The following STAU2 variants were observed in gnomAD, a reference collection of about 807,000 sequenced individuals.
The protein encoded by STAU2 is double-stranded RNA-binding protein Staufen homolog 2.
Under a neutral mutation model 65.9 loss-of-function variants are expected in STAU2, and 20 were observed. That is an observed-to-expected ratio of 0.30 (90% CI 0.21 to 0.44). The LOEUF is 0.44. STAU2 is among the 20% of genes least tolerant of loss of function. The probability of loss-of-function intolerance (pLI) is 1.00; values close to 1 mark genes in which losing one functional copy is unlikely to be tolerated. For synonymous variants in STAU2, 232 were observed against 233.9 expected, an observed-to-expected ratio of 0.99 and a Z score of 0.07; for missense variants, 558 against 683.9, an observed-to-expected ratio of 0.82 and a Z score of 2.05.
At chr8:73,477,675 G>A (rs1359682069) in intron 13 of STAU2, among the ~76,000 whole-genome samples, 1 of 152,136 alleles carries the variant, frequency 6.6e-6, no homozygotes, top group African/African-American at 2.4e-5. Context: ...GCCAGTAGAC[G>A]GACAGAAGTT....
chr8:73,676,154 C>T (rs16938714), intron 5 of STAU2, among the ~76,000 whole-genome samples: 11,042 of 152,164 alleles, frequency 0.073, 439 homozygotes, highest in Middle Eastern at 0.14. Context: ...TGCAAATGAA[C>T]TTAACTCCTC....
chr8:73,731,936 C>G (rs1806099492), intron 3 of STAU2, among the ~76,000 whole-genome samples: 2 of 152,112 alleles, frequency 1.3e-5, no homozygotes, highest in Admixed American at 1.3e-4. Context: ...AAGACTTCAA[C>G]TCAAAAAAAG....
At chr8:73,602,245 G>T (rs1811686411) in intron 10 of STAU2, among the ~76,000 whole-genome samples, 1 of 152,182 alleles carries the variant, frequency 6.6e-6, no homozygotes, top group Non-Finnish European at 1.5e-5. Flanking sequence ...GGGAGGGAAG[G>T]CACAACTTAG....
At chr8:73,472,040 C>G (rs1473270834) in intron 13 of STAU2, among the ~76,000 whole-genome samples, 1 of 152,070 alleles carries the variant, frequency 6.6e-6, no homozygotes, top group Non-Finnish European at 1.5e-5. Flanking sequence ...ATTAACAAAA[C>G]CCAGGAGTGG....
chr8:73,665,796 C>T (rs1253942841), intron 6 of STAU2, among the ~76,000 whole-genome samples: 7 of 152,104 alleles, frequency 4.6e-5, no homozygotes, highest in African/African-American at 1.7e-4. Context: ...AAATCCATGG[C>T]TGCTCAAGCC....
At chr8:73,673,062 G>A in intron 6 of STAU2, 45 bp downstream of exon 6, 1 of 1,461,832 alleles carries the variant, frequency 6.8e-7, no homozygotes, top group Non-Finnish European at 9.1e-7. Flanking sequence ...TTTATAACAT[G>A]GATAAAATAA....
At position 73,481,099 on chromosome 8, in the gene STAU2, A is replaced by G. The variant is rs77493271; in HGVS notation, c.1531-58397T>C. ...CACCTGCCAGGTTAAGAAATAGAAC[A>G]TTATCAGTACCTTGGAAGCCCTTAG... On this transcript the variant is annotated intron_variant, in intron 13 of 14. Coordinates refer to ENST00000524300, the MANE Select transcript of STAU2 (RefSeq NM_001164380.2). 1.4e-3 allele frequency among the ~76,000 whole-genome samples: 211 copies of G among 152,300 alleles called. 2 individuals carry two copies. In the East Asian group the frequency reaches 0.015, roughly 11 times the overall value.
chr8:73,574,519 A>G (rs1809361336), intron 12 of STAU2, among the ~76,000 whole-genome samples: 1 of 152,242 alleles, frequency 6.6e-6, no homozygotes, highest in East Asian at 1.9e-4. Context: ...AAGTCCATCA[A>G]TGATAGACTG....
intron 12 of STAU2, among the ~76,000 whole-genome samples, chr8:73,563,491 G>A (rs1471989254): frequency 1.3e-5 from 2 of 152,032 alleles, no homozygotes; most frequent in Non-Finnish European, 2.9e-5. Flanking sequence ...CACAACATGA[G>A]GAACTCTCAT....
intron 6 of STAU2, among the ~76,000 whole-genome samples, chr8:73,659,410 G>T (rs190434383): frequency 6.6e-6 from 1 of 152,148 alleles, no homozygotes; most frequent in Non-Finnish European, 1.5e-5. Context: ...GGTGGCACAT[G>T]CCTGTTGTCC....
At chr8:73,454,205 TGTTA>T (rs1358350180) in intron 13 of STAU2, among the ~76,000 whole-genome samples, 4 of 152,254 alleles carry the variant, frequency 2.6e-5, no homozygotes, top group Non-Finnish European at 5.9e-5. Flanking sequence ...CACTTTAGGC[TGTTA>T]GTTTTTAAAA....
At chr8:73,619,012 CT>C (rs1813039342) in intron 6 of STAU2, among the ~76,000 whole-genome samples, 1 of 152,094 alleles carries the variant, frequency 6.6e-6, no homozygotes, top group Non-Finnish European at 1.5e-5. Flanking sequence ...ATTATTAGAC[CT>C]ATTAGATATC....
At chr8:73,478,228 C>A (rs902496666) in intron 13 of STAU2, among the ~76,000 whole-genome samples, 1 of 146,712 alleles carries the variant, frequency 6.8e-6, no homozygotes, top group African/African-American at 2.5e-5. Context: ...TTTGGCTTCC[C>A]TGGGCCACAT....
At chr8:73,737,314 G>A (rs1410667433) in intron 3 of STAU2, among the ~76,000 whole-genome samples, 3 of 151,868 alleles carry the variant, frequency 2.0e-5, no homozygotes, top group Non-Finnish European at 4.4e-5. Flanking sequence ...GGGATTACAG[G>A]CACGCACCAC....
Position 73,708,054 on chromosome 8 carries a change from T to C in STAU2, c.114+978A>G, listed in dbSNP as rs553933411. Among the ~76,000 whole-genome samples, 24 of 152,254 alleles carry C rather than the reference T, an allele frequency of 1.6e-4. No individual in the cohort carries two copies. In the South Asian group the frequency reaches 5.0e-3, roughly 32 times the overall value. On this transcript the variant is annotated intron_variant, in intron 4 of 14. Coordinates refer to ENST00000524300, the MANE Select transcript of STAU2 (RefSeq NM_001164380.2). ...GAGTCAGAAAGAGAGTCAGGACATA[T>C]AGCTGGAAAGGTAGACCAAGGCTAC...
At chr8:73,435,058 G>A (rs1054798707) in intron 13 of STAU2, among the ~76,000 whole-genome samples, 3 of 151,370 alleles carry the variant, frequency 2.0e-5, no homozygotes, top group Non-Finnish European at 4.4e-5. Context: ...AGATGTCAGC[G>A]TTATCCACAC....
chr8:73,550,267 A>G, intron 13 of STAU2: 1 of 985,284 alleles, frequency 1.0e-6, no homozygotes, highest in Non-Finnish European at 1.2e-6. Context: ...AAGCTTTTTA[A>G]AAAGGCCTTA....
intron 6 of STAU2, among the ~76,000 whole-genome samples, chr8:73,658,934 C>CAAAAAA (rs72251012): frequency 2.1e-5 from 2 of 96,726 alleles, no homozygotes; most frequent in African/African-American, 2.9e-5. Context: ...ACAACAACAA[C>CAAAAAA]AAAAACAACA....
At chr8:73,546,980 T>C (rs1242029795) in intron 13 of STAU2, among the ~76,000 whole-genome samples, 1 of 152,240 alleles carries the variant, frequency 6.6e-6, no homozygotes, top group Admixed American at 6.5e-5. Flanking sequence ...AGTAGTAGAA[T>C]TTTCATGTTG....
Sources: allele counts gnomAD v4.1 joint callset (sites outside exome capture counted in the v4.1 genomes callset), GRCh38; gene constraint gnomAD v4.1.1; transcripts MANE v1.5; gene names NCBI Gene and HGNC (gene_info 2026-07-23, HGNC 2026-07-21).